The following FSCN2 variants were observed in gnomAD, a reference collection of about 807,000 sequenced individuals.
FSCN2 encodes fascin-2.
FSCN2 carries 46 observed loss-of-function variants against 37.8 expected under a neutral mutation model. The ratio of observed to expected loss-of-function variants is 1.22; its 90% CI spans 0.96 to 1.56. FSCN2 has a LOEUF of 1.56. FSCN2 is among the 40% of genes most tolerant of loss of function. The pLI, the probability that FSCN2 is intolerant of heterozygous loss-of-function variation, is 0.00. For synonymous variants in FSCN2, 351 were observed against 309.4 expected, an observed-to-expected ratio of 1.13 and a Z score of -1.41; for missense variants, 844 against 730.4, an observed-to-expected ratio of 1.16 and a Z score of -1.79.
chr17:81,535,849 CCATCA>C, intron 2 of FSCN2, among the ~76,000 whole-genome samples: 1 of 114,350 alleles, frequency 8.7e-6, no homozygotes, highest in African/African-American at 5.0e-5. Context: ...ATCCCCATCT[CCATCA>C]CCATCCCCCT....
chr17:81,536,726 A>C lies in FSCN2; in HGVS notation c.1210A>C (p.Thr404Pro), dbSNP rs1319602839. ...CCACCGCGGCTCCAACCAGCTGGAC[A>C]CCAACCGCTCCGTCTACGACGTCTT... ...CHHRGSNQLD[T>P]NRSVYDVFHL... The change falls in exon 4 of 5, where the codon ACC becomes CCC. Residue 404 changes from threonine (T) to proline (P), a missense_variant. Thr to Pro is a conservative substitution (Grantham distance 38). Coordinates refer to ENST00000417245, the MANE Select transcript of FSCN2 (RefSeq NM_012418.4). 1 of 1,611,128 alleles carries C rather than the reference A, an allele frequency of 6.2e-7. No homozygotes were observed.
chr17:81,531,201 A>C (rs1481731300), intron 1 of FSCN2, among the ~76,000 whole-genome samples: 1 of 124,246 alleles, frequency 8.0e-6, no homozygotes, highest in Non-Finnish European at 1.8e-5. Context: ...GATGGTGGTG[A>C]TGGTGGTGAT....
At chr17:81,524,919 A>ACACC (rs10677990), upstream of FSCN2, among the ~76,000 whole-genome samples, 195 of 142,558 alleles carry the variant, frequency 1.4e-3, 1 homozygote, top group South Asian at 1.4e-3. Flanking sequence ...ACACACACAC[A>ACACC]CCACACTCAC....
At chr17:81,531,060 C>T (rs1309067251) in intron 1 of FSCN2, among the ~76,000 whole-genome samples, 3 of 152,156 alleles carry the variant, frequency 2.0e-5, no homozygotes, top group Non-Finnish European at 2.9e-5. Flanking sequence ...CAGTCATGGC[C>T]GTGGCCGTGG....
chr17:81,524,053 G>C (rs1443538269), upstream of FSCN2, among the ~76,000 whole-genome samples: 3 of 152,202 alleles, frequency 2.0e-5, no homozygotes, highest in African/African-American at 7.2e-5. Context: ...GGCCAACTCG[G>C]GGAGGGGAAG....
At chr17:81,536,344 TCCA>T in intron 3 of FSCN2, 77 bp downstream of exon 3, 1 of 1,523,416 alleles carries the variant, frequency 6.6e-7, no homozygotes, top group Non-Finnish European at 8.8e-7. Flanking sequence ...ACACCCCATC[TCCA>T]CCAAGAGCTG....
upstream of FSCN2, among the ~76,000 whole-genome samples, chr17:81,528,148 G>A (rs1336180473): frequency 6.6e-6 from 1 of 152,194 alleles, no homozygotes; most frequent in South Asian, 2.1e-4. Context: ...CCGTGAAGAG[G>A]GGCGCTGGGC....
intron 2 of FSCN2, among the ~76,000 whole-genome samples, chr17:81,535,773 C>T (rs1356082840): frequency 1.2e-5 from 1 of 82,546 alleles, no homozygotes; most frequent in South Asian, 5.0e-4. Context: ...CATCCCCATC[C>T]CCCTCACCAT....
upstream of FSCN2, among the ~76,000 whole-genome samples, chr17:81,525,757 C>G (rs567832502): frequency 4.6e-5 from 7 of 152,136 alleles, no homozygotes; most frequent in Non-Finnish European, 8.8e-5. Flanking sequence ...TAACCAGACT[C>G]CCGACATCCA....
At chr17:81,530,619 C>T (rs1289643141) in intron 1 of FSCN2, 1 of 514,984 alleles carries the variant, frequency 1.9e-6, no homozygotes, top group Non-Finnish European at 3.9e-6. Flanking sequence ...GGAGAGCTCC[C>T]CTGTCTCCTG....
Position 81,529,171 on chromosome 17 carries a change from T to A in FSCN2, c.640T>A (p.Phe214Ile). The A allele has an allele frequency of 6.3e-7, 1 of 1,590,706 alleles. No homozygotes were observed. Among genetic ancestry groups the A allele is most frequent in the African/African-American group, 1.3e-5 (1 of 74,412 alleles). ...GCCCCGTGCCTGCTACACGCTGGAG[T>A]TCAAGGCGGGCAAGCTGGCCTTCAA... ...PEPRACYTLE[F>I]KAGKLAFKDC... Residue 214 changes from phenylalanine (F) to isoleucine (I), a missense_variant, in exon 1 of 5, where the codon TTC (phenylalanine) becomes ATC (isoleucine). By Grantham distance (21) the Phe-to-Ile change is conservative (BLOSUM62 0). Transcript: ENST00000417245.
upstream of FSCN2, among the ~76,000 whole-genome samples, chr17:81,524,254 G>T (rs540383470): frequency 3.1e-3 from 470 of 152,216 alleles, 1 homozygote; most frequent in Non-Finnish European, 4.7e-3. Context: ...GGCTGCCAGG[G>T]GATTCTGATG....
At chr17:81,531,683 GGTGATGA>G (rs2032619782) in intron 1 of FSCN2, among the ~76,000 whole-genome samples, 1 of 143,602 alleles carries the variant, frequency 7.0e-6, no homozygotes, top group Non-Finnish European at 1.5e-5. Flanking sequence ...TGATGATGAT[GGTGATGA>G]TGGTGATGGT....
At chr17:81,534,546 A>G (rs921430141) in intron 1 of FSCN2, among the ~76,000 whole-genome samples, 1 of 151,832 alleles carries the variant, frequency 6.6e-6, no homozygotes, top group African/African-American at 2.4e-5. Context: ...GTCCTCCCCC[A>G]GGGGTCCTGG....
Position 81,528,584 on chromosome 17 carries a change from A to G in FSCN2, c.53A>G (p.Asn18Ser). ...QVLKIQFGLV[N>S]DTDRYLTAES... ...CTGAAGATCCAGTTTGGCCTCGTCA[A>G]CGACACTGACCGCTACCTGACAGCT... The change falls in exon 1 of 5, where the codon AAC becomes AGC. Residue 18 changes from asparagine to serine, a missense_variant. By Grantham distance (46) the Asn-to-Ser change is conservative. Coordinates refer to ENST00000417245, the MANE Select transcript of FSCN2 (RefSeq NM_012418.4). 1.2e-6 allele frequency: 2 copies of G among 1,609,138 alleles called. No homozygotes were observed. Among genetic ancestry groups the G allele is most frequent in the South Asian group, 1.1e-5 (1 of 90,344 alleles).
chr17:81,528,911 C>A lies in FSCN2; in HGVS notation c.380C>A (p.Pro127Gln), dbSNP rs377179386. 1.3e-6 allele frequency: 2 copies of A among 1,588,482 alleles called. No individual in the cohort carries two copies. The highest frequency in any genetic ancestry group is 1.7e-6 in the Non-Finnish European group (2 of 1,171,136). ...TCCTGCTTCGCCACAGCCGTTTCCC[C>A]GGCCGAGCTGTGGACCGTGCACCTG... ...QLSCFATAVS[P>Q]AELWTVHLAI... is the part of the protein sequence containing the mutation. The change falls in exon 1 of 5, where the codon CCG (proline) becomes CAG (glutamine). Residue 127 changes from proline (P) to glutamine (Q), a missense_variant. Pro to Gln is a moderately conservative substitution (Grantham distance 76). Coordinates refer to ENST00000417245, the MANE Select transcript of FSCN2 (RefSeq NM_012418.4).
chr17:81,531,462 ATGATGGTGG>A (rs2032589707), intron 1 of FSCN2, among the ~76,000 whole-genome samples: 3 of 34,922 alleles, frequency 8.6e-5, no homozygotes, highest in African/African-American at 2.2e-4. Context: ...GGTGATGGTG[ATGATGGTGG>A]TGGTGGTGAT....
the FSCN2 span, among the ~76,000 whole-genome samples, chr17:81,519,425 G>A: frequency 6.6e-6 from 1 of 152,186 alleles, no homozygotes; most frequent in Non-Finnish European, 1.5e-5. Flanking sequence ...CCAGGACCAC[G>A]AGCTCGGAGG....
chr17:81,520,561 C>T, the FSCN2 span, among the ~76,000 whole-genome samples: 3,209 of 152,358 alleles, frequency 0.021, 54 homozygotes, highest in East Asian at 0.086. Context: ...GTTTGCGTAT[C>T]GGCAAGTGCC....
Sources: gnomAD v4.1 joint callset for allele counts (sites outside exome capture counted in the v4.1 genomes callset) on GRCh38, gnomAD v4.1.1 for gene constraint, MANE v1.5 for transcripts, NCBI Gene and HGNC (gene_info 2026-07-23, HGNC 2026-07-21) for gene names.